The following CPS1 variants were observed in gnomAD, a reference collection of about 807,000 sequenced individuals.
CPS1 encodes the protein carbamoyl-phosphate synthase 1.
In CPS1, 109 loss-of-function variants were observed where a neutral mutation model predicts 174.6. The ratio of observed to expected loss-of-function variants is 0.62; its 90% CI spans 0.53 to 0.73. The LOEUF is 0.73. Ranked by LOEUF, CPS1 falls within the 30% of genes least tolerant of loss-of-function variation. The pLI, the probability that CPS1 is intolerant of heterozygous loss-of-function variation, is 0.00. For synonymous variants in CPS1, 637 were observed against 632.0 expected (o/e 1.01, Z -0.12); for missense variants, 1,689 against 1,821.9 (o/e 0.93, Z 1.33).
intron 13 of CPS1, among the ~76,000 whole-genome samples, chr2:210,597,173 C>T (rs973132333): frequency 1.3e-5 from 2 of 151,774 alleles, no homozygotes; most frequent in Non-Finnish European, 2.9e-5. Context: ...CTTTCTATAA[C>T]TTCTGTTGCT....
At position 210,679,102 on chromosome 2, in the gene CPS1, A is replaced by G. The variant is rs886055564; in HGVS notation, c.*1117A>G. 6.6e-6 allele frequency: 1 copy of G among 152,210 alleles called. No individual in the cohort carries two copies. The highest frequency in any genetic ancestry group is 1.5e-5 in the Non-Finnish European group (1 of 68,038). 9.4% of individuals were successfully genotyped at this position (152,210 alleles called of 1,614,324 possible). On this transcript the variant is annotated 3_prime_UTR_variant, in exon 38 of 38. Coordinates refer to ENST00000233072, the MANE Select transcript of CPS1 (RefSeq NM_001875.5). ...AACTTTTAAATAAAATACTATTAAG[A>G]GGTAATGCAGTTGAATCTGGTTTTA...
chr2:210,503,934 T>G (rs771032096), intron 1 of CPS1, among the ~76,000 whole-genome samples: 2 of 152,212 alleles, frequency 1.3e-5, no homozygotes, highest in Non-Finnish European at 2.9e-5. Flanking sequence ...TCTGATGCTT[T>G]TCACTGGAAG....
At chr2:210,546,343 A>G (rs1399495791) in intron 1 of CPS1, among the ~76,000 whole-genome samples, 1 of 152,144 alleles carries the variant, frequency 6.6e-6, no homozygotes, top group Non-Finnish European at 1.5e-5. Flanking sequence ...TGAATGAAGC[A>G]AACAAAAGCC....
intron 6 of CPS1, among the ~76,000 whole-genome samples, chr2:210,585,096 T>TC (rs1325567878): frequency 6.6e-6 from 1 of 152,042 alleles, no homozygotes; most frequent in Non-Finnish European, 1.5e-5. Flanking sequence ...TGCATTTAAC[T>TC]CTTTGAAAGG....
rs768681752 is a variant in CPS1, at chr2:210,600,694, A to C, written c.1689A>C (p.Pro563=). The C allele has an allele frequency of 2.5e-6, 4 of 1,611,922 alleles. No homozygotes were observed. The highest frequency in any genetic ancestry group is 3.3e-5 in the Admixed American group (2 of 59,824). ...KLNEINEKIA[P]SFAVESIEDA... ...ATGAGATCAATGAAAAGATTGCTCCAAGTTTTGCAGTGGAATCGGTAAGGA... is the reference window on the plus strand; with the variant it reads ...ATGAGATCAATGAAAAGATTGCTCCCAGTTTTGCAGTGGAATCGGTAAGGA... The change falls in exon 15 of 38, where the codon CCA becomes CCC. Residue 563 remains proline, a synonymous_variant. Transcript: ENST00000233072.
At position 210,640,563 on chromosome 2, in the gene CPS1, C is replaced by T. The variant is rs1376806907; in HGVS notation, c.2959+504C>T. On this transcript the variant is annotated intron_variant, in intron 24 of 37. Transcript: ENST00000233072. ...TTATGTAGGTGAATTAAAACATAAT[C>T]ACCAGAGATATGACATTTCTCTCCA... Among the ~76,000 whole-genome samples, 5 of 152,274 alleles carry T rather than the reference C, an allele frequency of 3.3e-5. No individual in the cohort carries two copies. The East Asian group carries it at 5.8e-4, about 18-fold the overall frequency.
chr2:210,589,484 G>A (rs1226681115), intron 7 of CPS1, among the ~76,000 whole-genome samples: 1 of 151,982 alleles, frequency 6.6e-6, no homozygotes, highest in Non-Finnish European at 1.5e-5. Flanking sequence ...TCTGACGTGG[G>A]CCAACTTAAC....
At chr2:210,480,866 C>T (rs114119938) in intron 1 of CPS1, among the ~76,000 whole-genome samples, 2,552 of 152,284 alleles carry the variant, frequency 0.017, 55 homozygotes, top group Middle Eastern at 0.058. Context: ...GGACTGTGTA[C>T]TACTGAAGCA....
intron 3 of CPS1, chr2:210,577,053 T>A: frequency 3.4e-6 from 1 of 292,060 alleles, no homozygotes; most frequent in Non-Finnish European, 6.5e-6. Context: ...TCACTATTTC[T>A]CACAATTTCC....
At chr2:210,565,217 A>ATCT (rs1206157966) in intron 1 of CPS1, among the ~76,000 whole-genome samples, 24 of 152,132 alleles carry the variant, frequency 1.6e-4, no homozygotes, top group Non-Finnish European at 2.9e-4. Flanking sequence ...AGTCTTATGA[A>ATCT]TCTTCCTCCA....
At chr2:210,623,864 T>C (rs1213282352) in intron 21 of CPS1, among the ~76,000 whole-genome samples, 1 of 152,160 alleles carries the variant, frequency 6.6e-6, no homozygotes, top group South Asian at 2.1e-4. Flanking sequence ...TTTGTGCTTA[T>C]GCTTGATTGA....
intron 21 of CPS1, among the ~76,000 whole-genome samples, chr2:210,633,004 A>G (rs374359766): frequency 6.6e-6 from 1 of 152,330 alleles, no homozygotes; most frequent in South Asian, 2.1e-4. Context: ...AAATGTCCTA[A>G]GAATCAACTA....
At chr2:210,646,873 G>A (rs551865849) in intron 25 of CPS1, among the ~76,000 whole-genome samples, 3 of 148,468 alleles carry the variant, frequency 2.0e-5, no homozygotes, top group East Asian at 1.9e-4. Flanking sequence ...ACCGTCTCAC[G>A]CTGGTTTACC....
upstream of CPS1, among the ~76,000 whole-genome samples, chr2:210,554,156 C>T (rs1415562537): frequency 1.6e-5 from 2 of 123,240 alleles, no homozygotes; most frequent in African/African-American, 2.9e-5. Flanking sequence ...TATATATACA[C>T]ACACATATAC....
intron 27 of CPS1, among the ~76,000 whole-genome samples, chr2:210,649,642 A>C (rs902129955): frequency 3.9e-5 from 6 of 152,338 alleles, no homozygotes; most frequent in Non-Finnish European, 7.4e-5. Flanking sequence ...TTAAAAGATA[A>C]ATTTGTAGTA....
intron 1 of CPS1, among the ~76,000 whole-genome samples, chr2:210,531,912 G>A (rs903202615): frequency 3.3e-5 from 5 of 152,088 alleles, no homozygotes; most frequent in Admixed American, 1.3e-4. Context: ...TATTTGTTGG[G>A]AAAATGTATA....
chr2:210,482,276 T>C (rs545416926), intron 1 of CPS1, among the ~76,000 whole-genome samples: 4 of 152,168 alleles, frequency 2.6e-5, no homozygotes, highest in African/African-American at 7.2e-5. Flanking sequence ...AAAATCTTCA[T>C]ATGAAACTCT....
chr2:210,640,015 A>G lies in CPS1; in HGVS notation c.2915A>G (p.Asp972Gly). ...YNGQEHDVNF[D>G]DHGMMVLGCG... ...CCTCAGGAGCATGATGTCAATTTTG[A>G]TGACCATGGAATGATGGTGCTAGGC... Residue 972 changes from aspartate to glycine, a missense_variant, in exon 24 of 38, where the codon GAT becomes GGT. Transcript: ENST00000233072. The G allele has an allele frequency of 6.2e-7, 1 of 1,611,372 alleles. No homozygotes were observed. Among genetic ancestry groups the G allele is most frequent in the Admixed American group, 1.7e-5 (1 of 60,016 alleles).
intron 1 of CPS1, among the ~76,000 whole-genome samples, chr2:210,548,756 A>T (rs1696630231): frequency 1.3e-5 from 2 of 151,928 alleles, no homozygotes; most frequent in African/African-American, 4.8e-5. Flanking sequence ...AAAAAAAGGT[A>T]CTCCTGCCCT....
Sources: allele counts gnomAD v4.1 joint callset (sites outside exome capture counted in the v4.1 genomes callset), GRCh38; gene constraint gnomAD v4.1.1; transcripts MANE v1.5; gene names NCBI Gene and HGNC (gene_info 2026-07-23, HGNC 2026-07-21).